Variants in FARSA observed in about 807,000 individuals in gnomAD.
The protein encoded by FARSA is phenylalanyl-tRNA synthetase subunit alpha.
In FARSA, 37 loss-of-function variants were observed where a neutral mutation model predicts 63.2. The observed-to-expected ratio is 0.59, with a 90% CI of 0.45 to 0.77. The LOEUF (loss-of-function observed/expected upper bound fraction) is 0.77. FARSA is among the 30% of genes least tolerant of loss of function. The pLI, the probability that FARSA is intolerant of heterozygous loss-of-function variation, is 0.00. For synonymous variants in FARSA, 312 were observed against 285.1 expected (o/e 1.09, Z -0.95); for missense variants, 618 against 696.6 (o/e 0.89, Z 1.27).
chr19:12,925,671 A>T (rs1277717385), intron 7 of FARSA, among the ~76,000 whole-genome samples: 1 of 150,600 alleles, frequency 6.6e-6, no homozygotes, highest in East Asian at 2.0e-4. Flanking sequence ...TTATGTATGT[A>T]CGTATGTATG....
In FARSA at chr19:12,922,880, C is replaced by A. The variant is rs200932264; in HGVS notation, c.1395G>T (p.Thr465=). 1.2e-6 allele frequency: 2 copies of A among 1,613,974 alleles called. No homozygotes were observed. The highest frequency in any genetic ancestry group is 3.3e-5 in the Admixed American group (2 of 59,980). ...IAWGLSLERP[T]MIKYGINNIR... ...TATTGTTGATGCCATATTTGATCATCGTTGGGCTTGTGGGGGAGGGAACAG... is the reference window on the plus strand; with the variant it reads ...TATTGTTGATGCCATATTTGATCATAGTTGGGCTTGTGGGGGAGGGAACAG... The change falls in exon 13 of 13, where the codon ACG becomes ACT. Residue 465 remains threonine, a synonymous_variant. Transcript: ENST00000314606.
intron 7 of FARSA, among the ~76,000 whole-genome samples, chr19:12,926,410 T>C (rs1032541327): frequency 2.0e-5 from 3 of 152,020 alleles, no homozygotes; most frequent in Admixed American, 2.0e-4. Flanking sequence ...TAGCTGGGAC[T>C]ACAGGCGCCC....
chr19:12,931,571 C>G (rs1463107597), intron 1 of FARSA, among the ~76,000 whole-genome samples: 1 of 152,126 alleles, frequency 6.6e-6, no homozygotes, highest in Non-Finnish European at 1.5e-5. Context: ...CTTTAAATTA[C>G]TTTTTAAAGA....
rs747899400 is a variant in FARSA at position 12,924,769 on chromosome 19, G to A, written c.1065C>T (p.Arg355=). 10 of 1,602,782 alleles carry A rather than the reference G, an allele frequency of 6.2e-6. No homozygotes were observed. The highest frequency in any genetic ancestry group is 2.2e-5 in the East Asian group (1 of 44,672). The change falls in exon 10 of 13, where the codon CGC becomes CGT. Residue 355 remains arginine, a synonymous_variant. Coordinates refer to ENST00000314606, the MANE Select transcript of FARSA (RefSeq NM_004461.3). This position sits in a 1 kb window ranked among gnomAD's most constrained non-coding sequence, Gnocchi z 6.4. Reference sequence around the variant, plus strand: ...CGTCCAGGGTCTCATTCCGGAATACGCGGTCGATGGAGAAGTACTTGACCG... The same window carrying A: ...CGTCCAGGGTCTCATTCCGGAATACACGGTCGATGGAGAAGTACTTGACCG... ...FTPVKYFSID[R]VFRNETLDAT...
At position 12,928,666 on chromosome 19, in the gene FARSA, G is replaced by A; in HGVS notation, c.597-3C>T. 1 of 1,612,844 alleles carries A rather than the reference G, an allele frequency of 6.2e-7. No homozygotes were observed. The highest frequency in any genetic ancestry group is 8.5e-7 in the Non-Finnish European group (1 of 1,179,398). On this transcript the variant is annotated splice_region_variant and splice_polypyrimidine_tract_variant and intron_variant, in intron 5 of 12. Transcript: ENST00000314606. Reference sequence around the variant, plus strand: ...AGGGCCGGTCCCGCCAAGAGCCACTGGGGGAGGATGCAAGGGCCTGGTAAG... The same window carrying A: ...AGGGCCGGTCCCGCCAAGAGCCACTAGGGGAGGATGCAAGGGCCTGGTAAG...
rs574452698 is a variant in FARSA at position 12,932,416 on chromosome 19, C to T, written c.147+1134G>A. On this transcript the variant is annotated intron_variant, in intron 1 of 12. Transcript: ENST00000314606. ...CCTTATATTATTTAACCCTCTGTGACGTATACAAATGTCAGATCATATTGG... is the reference window on the plus strand; with the variant it reads ...CCTTATATTATTTAACCCTCTGTGATGTATACAAATGTCAGATCATATTGG... 1.0e-3 allele frequency among the ~76,000 whole-genome samples: 156 copies of T among 152,198 alleles called. 1 individual carries two copies. The highest frequency in any genetic ancestry group is 3.4e-3 in the African/African-American group (142 of 41,518).
intron 8 of FARSA, 28 bp downstream of exon 8, chr19:12,925,062 C>A (rs556661125): frequency 1.2e-6 from 2 of 1,612,592 alleles, no homozygotes; most frequent in Non-Finnish European, 1.7e-6. Flanking sequence ...GCCTCCTTCC[C>A]TTCCATACCA....
Position 12,922,623 on chromosome 19 carries a change from TG to T in FARSA, c.*124del. 8.2e-7 allele frequency: 1 copy of T among 1,214,684 alleles called. No homozygotes were observed. The highest frequency in any genetic ancestry group is 1.2e-6 in the Non-Finnish European group (1 of 867,526). 75.2% of individuals were successfully genotyped at this position (1,214,684 alleles called of 1,614,324 possible). On this transcript the variant is annotated 3_prime_UTR_variant, in exon 13 of 13. Transcript: ENST00000314606. ...CCTGGGATTCTGGTCCTGGGACAGGTGGGAAAGAGGAAGGTGGGGGCTGGCC... is the reference window on the plus strand; with the variant it reads ...CCTGGGATTCTGGTCCTGGGACAGGTGGAAAGAGGAAGGTGGGGGCTGGCC...
intron 7 of FARSA, among the ~76,000 whole-genome samples, chr19:12,927,471 G>A (rs901455435): frequency 6.6e-5 from 10 of 152,144 alleles, no homozygotes; most frequent in Non-Finnish European, 1.3e-4. Flanking sequence ...TGGTGCTCAC[G>A]CCTGTAATCC....
Position 12,924,526 on chromosome 19 carries a change from C to A in FARSA, c.1196G>T (p.Gly399Val). 6.2e-7 allele frequency: 1 copy of A among 1,613,556 alleles called. No individual in the cohort carries two copies. The change falls in exon 11 of 13, where the codon GGT becomes GTT. Residue 399 changes from glycine (G) to valine (V), a missense_variant and splice_region_variant. Coordinates refer to ENST00000314606, the MANE Select transcript of FARSA (RefSeq NM_004461.3). The surrounding 1 kb of genome is among the most constrained non-coding windows in gnomAD (Gnocchi z 6.4). ...TGGCTTGAAGCGGAGTTGCGTGATA[C>A]CTGCAGGAAGTGGGGGGCGGGCAGG... ...GVLREFFTKL[G>V]ITQLRFKPAY...
chr19:12,927,563 CTCT>C, intron 7 of FARSA, among the ~76,000 whole-genome samples: 1 of 151,256 alleles, frequency 6.6e-6, no homozygotes, highest in East Asian at 1.9e-4. Context: ...CAAACCCCAT[CTCT>C]ATTAAAAACA....
At chr19:12,925,270 C>T (rs1971314336) in intron 7 of FARSA, 96 bp from the exon 8 acceptor site, 7 of 1,018,948 alleles carry the variant, frequency 6.9e-6, no homozygotes, top group Admixed American at 2.2e-5. Context: ...GGCTGGAGTG[C>T]GGTGGTGCAA....
Position 12,928,804 on chromosome 19 carries a change from T to C in FARSA, c.547A>G (p.Thr183Ala). 3.7e-6 allele frequency: 6 copies of C among 1,614,086 alleles called. No individual in the cohort carries two copies. The highest frequency in any genetic ancestry group is 5.1e-6 in the Non-Finnish European group (6 of 1,180,000). The change falls in exon 5 of 13, where the codon ACC becomes GCC. Residue 183 changes from threonine (T) to alanine (A), a missense_variant. Transcript: ENST00000314606. ...YWVSKGSAFSTSISKQETELS... is the reference protein window; with the variant it reads ...YWVSKGSAFSASISKQETELS... Reference sequence around the variant, plus strand: ...TCTGTCTCTTGCTTGGAGATGCTGGTACTAAAGGCACTGCCTTTGCTCACC... The same window carrying C: ...TCTGTCTCTTGCTTGGAGATGCTGGCACTAAAGGCACTGCCTTTGCTCACC...
Position 12,928,761 on chromosome 19 carries a change from A to G in FARSA, c.590T>C (p.Ile197Thr). The part of the protein sequence containing the change: ...KQETELSPEM[I>T]SSGSWRDRPF... ...CCCTGGGGTTGCCTGCTACCTGGAGATCATCTCTGGGCTCAGCTCTGTCTC... is the reference window on the plus strand; with the variant it reads ...CCCTGGGGTTGCCTGCTACCTGGAGGTCATCTCTGGGCTCAGCTCTGTCTC... The change falls in exon 5 of 13, where the codon ATC becomes ACC. Residue 197 changes from isoleucine to threonine, a missense_variant. Transcript: ENST00000314606. The G allele has an allele frequency of 6.2e-7, 1 of 1,613,946 alleles. No homozygotes were observed. Among genetic ancestry groups the G allele is most frequent in the Non-Finnish European group, 8.5e-7 (1 of 1,179,972 alleles).
chr19:12,924,487 T>C lies in FARSA; in HGVS notation c.1235A>G (p.Tyr412Cys). ...QLRFKPAYNP[Y>C]TEPSMEVFSY... ...GAACACCTCCATGCTGGGCTCTGTG[T>C]ATGGGTTGTAGGCTGGCTTGAAGCG... Residue 412 changes from tyrosine (Y) to cysteine (C), a missense_variant, in exon 11 of 13, where the codon TAC becomes TGC. Tyr to Cys is a radical substitution (Grantham distance 194, BLOSUM62 -2). Transcript: ENST00000314606. This position sits in a 1 kb window ranked among gnomAD's most constrained non-coding sequence, Gnocchi z 6.4. 2.5e-6 allele frequency: 4 copies of C among 1,613,506 alleles called. No individual in the cohort carries two copies. The highest frequency in any genetic ancestry group is 3.4e-6 in the Non-Finnish European group (4 of 1,179,996).
In FARSA at chr19:12,928,583, G is replaced by C. The variant is rs776006254; in HGVS notation, c.677C>G (p.Pro226Arg). Reference protein sequence around the residue: ...GVLPDSGHLHPLLKVRSQFRQ... With the variant: ...GVLPDSGHLHRLLKVRSQFRQ... Reference sequence around the variant, plus strand: ...GAACTGGGAGCGGACCTTGAGCAGCGGGTGAAGGTGGCCGCTGTCGGGGAG... The same window carrying C: ...GAACTGGGAGCGGACCTTGAGCAGCCGGTGAAGGTGGCCGCTGTCGGGGAG... Residue 226 changes from proline to arginine, a missense_variant, in exon 6 of 13, where the codon CCG becomes CGG. Transcript: ENST00000314606. 1.9e-6 allele frequency: 3 copies of C among 1,613,720 alleles called. No homozygotes were observed. The highest frequency in any genetic ancestry group is 2.5e-6 in the Non-Finnish European group (3 of 1,179,824).
rs778948620 is a variant in FARSA at position 12,933,541 on chromosome 19, C to T, written c.147+9G>A. The T allele has an allele frequency of 1.0e-4, 156 of 1,540,020 alleles. No homozygotes were observed. Among genetic ancestry groups the T allele is most frequent in the Non-Finnish European group, 1.3e-4 (152 of 1,147,604 alleles). ...GGCAAGGCGGTCCGGCATCACGGGC[C>T]CGGCTCACCTCGCCCAGCGCCTGAA... On this transcript the variant is annotated intron_variant, in intron 1 of 12. Transcript: ENST00000314606.
At chr19:12,926,508 C>T (rs577353232) in intron 7 of FARSA, among the ~76,000 whole-genome samples, 12 of 151,468 alleles carry the variant, frequency 7.9e-5, no homozygotes, top group South Asian at 2.1e-4. Flanking sequence ...CTCCTGACCT[C>T]GCGATCCGCC....
intron 12 of FARSA, among the ~76,000 whole-genome samples, chr19:12,923,676 C>T (rs780449951): frequency 4.6e-5 from 7 of 152,196 alleles, no homozygotes; most frequent in Non-Finnish European, 8.8e-5. Flanking sequence ...GATGAGGTTT[C>T]GCCATGTTGG....
Sources: gnomAD v4.1 joint callset for allele counts (sites outside exome capture counted in the v4.1 genomes callset) on GRCh38, gnomAD v4.1.1 for gene constraint, Gnocchi (gnomAD v3.1) non-coding constraint, MANE v1.5 for transcripts, NCBI Gene and HGNC (gene_info 2026-07-23, HGNC 2026-07-21) for gene names.